ERN1: variants seen among roughly 807,000 people sequenced by gnomAD.
The protein encoded by ERN1 is endoplasmic reticulum to nucleus signaling 1.
A neutral mutation model predicts 113.1 loss-of-function variants in ERN1; 39 were observed. That is an observed-to-expected ratio of 0.34 (90% confidence interval 0.27 to 0.45). ERN1 has a LOEUF of 0.45. ERN1 is among the 20% of genes least tolerant of loss of function. The pLI, the probability that ERN1 is intolerant of heterozygous loss-of-function variation, is 1.00. For synonymous variants in ERN1, 507 were observed against 515.9 expected (o/e 0.98, Z 0.23); for missense variants, 976 against 1,274.8 (o/e 0.77, Z 3.57).
intron 1 of ERN1, among the ~76,000 whole-genome samples, chr17:64,113,956 AC>A (rs1219443579): frequency 1.3e-5 from 2 of 151,782 alleles, no homozygotes; most frequent in East Asian, 3.9e-4. Flanking sequence ...TGCTGGGATT[AC>A]CGGCGTGAAC....
At chr17:64,094,894 T>C (rs1292855989) in intron 2 of ERN1, among the ~76,000 whole-genome samples, 1 of 152,238 alleles carries the variant, frequency 6.6e-6, no homozygotes, top group Non-Finnish European at 1.5e-5. Context: ...GTTTGCCTGT[T>C]TTGTTCACTT....
Position 64,054,738 on chromosome 17 carries a change from C to A in ERN1, c.1763G>T (p.Arg588Leu). 6.2e-7 allele frequency: 1 copy of A among 1,603,638 alleles called. No individual in the cohort carries two copies. Among genetic ancestry groups the A allele is most frequent in the East Asian group, 2.2e-5 (1 of 44,666 alleles). The change falls in exon 14 of 22, where the codon CGG becomes CTG. Residue 588 changes from arginine to leucine, a missense_variant and splice_region_variant. By Grantham distance (102) the Arg-to-Leu change is moderately radical (BLOSUM62 -2). Coordinates refer to ENST00000433197, the MANE Select transcript of ERN1 (RefSeq NM_001433.5). The surrounding 1 kb of genome is among the most constrained non-coding windows in gnomAD (Gnocchi z 4.9). ...GCAGGGGGCTGGCTAATCCACTCAC[C>A]GGTACACAATTGTGCCCTCAGCTCC... ...GHGAEGTIVY[R>L]GMFDNRDVAV...
rs570255248 is a variant in ERN1 at position 64,060,524 on chromosome 17, G to C, written c.1151C>G (p.Pro384Arg). 1.2e-6 allele frequency: 2 copies of C among 1,613,904 alleles called. No homozygotes were observed. Among genetic ancestry groups the C allele is most frequent in the Middle Eastern group, 1.6e-4 (1 of 6,062 alleles). The change falls in exon 11 of 22, where the codon CCC (proline) becomes CGC (arginine). Residue 384 changes from proline to arginine, a missense_variant. By Grantham distance (103) the Pro-to-Arg change is moderately radical (BLOSUM62 -2). Around this residue, in one of 5 missense-constraint regions of ERN1, gnomAD observed 459 missense variants for 581.2 expected, o/e 0.79. Transcript: ENST00000433197. ...KMLERFPNNL[P>R]KHRENVIPAD... ...AGGAATCACATTTTCCCGATGTTTG[G>C]GTAGATTGTTGGGAAATCTCTCCAG...
chr17:64,081,769 C>T, intron 2 of ERN1, among the ~76,000 whole-genome samples: 1 of 152,170 alleles, frequency 6.6e-6, no homozygotes, highest in Non-Finnish European at 1.5e-5. Context: ...TTTACATTTG[C>T]AGCAATTAAT....
intron 1 of ERN1, among the ~76,000 whole-genome samples, chr17:64,112,795 C>A (rs1487153100): frequency 1.3e-5 from 2 of 152,196 alleles, no homozygotes; most frequent in African/African-American, 2.4e-5. Flanking sequence ...TCATCTGTAT[C>A]CTTTATCATA....
In ERN1 at chr17:64,066,936, T is replaced by A. The variant is rs1260280733; in HGVS notation, c.581-4A>T. 6.2e-7 allele frequency: 1 copy of A among 1,609,304 alleles called. No individual in the cohort carries two copies. The highest frequency in any genetic ancestry group is 2.2e-5 in the East Asian group (1 of 44,726). On this transcript the variant is annotated splice_region_variant and splice_polypyrimidine_tract_variant and intron_variant, in intron 7 of 21. Transcript: ENST00000433197. ...TTGGACACAAAGTGGGACATCTCTG[T>A]ACAGATCAAATAAACAAAGCATGCT...
chr17:64,124,710 T>C lies in ERN1; in HGVS notation c.54+5266A>G, dbSNP rs539274397. The stretch of plus-strand genomic sequence containing the variant: ...TTGCCCAGTCTCGGGTATGTCTTTA[T>C]CAGCAGCATGAAAATGGACTAATAC... On this transcript the variant is annotated intron_variant, in intron 1 of 21. Transcript: ENST00000433197. Among the ~76,000 whole-genome samples the C allele has an allele frequency of 8.5e-5, 13 of 152,330 alleles. No homozygotes were observed. In the East Asian group the frequency reaches 2.5e-3, roughly 29 times the overall value.
chr17:64,116,908 T>C (rs1327142046), intron 1 of ERN1, among the ~76,000 whole-genome samples: 1 of 142,674 alleles, frequency 7.0e-6, no homozygotes, highest in South Asian at 2.2e-4. Flanking sequence ...ATTGAGACCA[T>C]CCTGGCTAAC....
rs373985941 is a variant in ERN1 at position 64,045,310 on chromosome 17, C to T, written c.2653+49G>A. On this transcript the variant is annotated intron_variant, in intron 20 of 21. Transcript: ENST00000433197. ...TTTCCACGTTTACTTTTTGGAAAGG[C>T]GGCAGCGACTTTTGCAACCTGCCCT... is the stretch of plus-strand genomic sequence containing the variant. 2.7e-5 allele frequency: 43 copies of T among 1,610,602 alleles called. No individual in the cohort carries two copies. The African/African-American group carries it at 3.3e-4, about 13-fold the overall frequency.
chr17:64,065,647 A>G (rs1483051372), intron 8 of ERN1, among the ~76,000 whole-genome samples: 1 of 152,012 alleles, frequency 6.6e-6, no homozygotes, highest in African/African-American at 2.4e-5. Flanking sequence ...GACTCTCTAC[A>G]ACACACTTTC....
chr17:64,125,027 T>A (rs546881653), intron 1 of ERN1, among the ~76,000 whole-genome samples: 1 of 152,192 alleles, frequency 6.6e-6, no homozygotes, highest in Admixed American at 6.5e-5. Context: ...TCTGGGATGA[T>A]GAAAATGTTC....
Position 64,049,094 on chromosome 17 carries a change from C to T in ERN1, c.2362G>A (p.Gly788Ser). The change falls in exon 18 of 22, where the codon GGT (glycine) becomes AGT (serine). Residue 788 changes from glycine to serine, a missense_variant. By Grantham distance (56) the Gly-to-Ser change is moderately conservative. Transcript: ENST00000433197. The surrounding 1 kb of genome is among the most constrained non-coding windows in gnomAD (Gnocchi z 4.7). ...TGCAAGCAGTCAAGGCTGCAGGCAC[C>T]CAGGAGGATGTTGGCCTGCCGCTGC... ...SLQRQANILLGACSLDCLHPE... is the reference protein window; with the variant it reads ...SLQRQANILLSACSLDCLHPE... 6.2e-7 allele frequency: 1 copy of T among 1,606,904 alleles called. No individual in the cohort carries two copies. The highest frequency in any genetic ancestry group is 8.5e-7 in the Non-Finnish European group (1 of 1,174,482).
chr17:64,054,692 C>A lies in ERN1; in HGVS notation c.1763+46G>T, dbSNP rs760134097. 4.1e-6 allele frequency: 6 copies of A among 1,474,998 alleles called. No homozygotes were observed. The highest frequency in any genetic ancestry group is 5.6e-6 in the Non-Finnish European group (6 of 1,075,726). The allele number at this position is 1,474,998 out of a possible 1,614,324, so 91.4% of individuals were successfully genotyped here. A position where few individuals can be genotyped will look rare whatever the true frequency, so the allele number is the denominator to read the frequency against. Reference sequence around the variant, plus strand: ...CACCAGGCTCGCAACCTGACAGGCACTTAGACACCAGGCGGTGAGGGCAGG... The same window carrying A: ...CACCAGGCTCGCAACCTGACAGGCAATTAGACACCAGGCGGTGAGGGCAGG... On this transcript the variant is annotated intron_variant, in intron 14 of 21. Coordinates refer to ENST00000433197, the MANE Select transcript of ERN1 (RefSeq NM_001433.5). This position sits in a 1 kb window ranked among gnomAD's most constrained non-coding sequence, Gnocchi z 4.9.
chr17:64,085,714 A>C (rs773215722), intron 2 of ERN1, among the ~76,000 whole-genome samples: 1 of 152,098 alleles, frequency 6.6e-6, no homozygotes, highest in Non-Finnish European at 1.5e-5. Flanking sequence ...CTGTTCCTCC[A>C]CCCAGCCTTC....
intron 6 of ERN1, 137 bp downstream of exon 6, chr17:64,071,844 T>A (rs1913430070): frequency 2.2e-6 from 2 of 900,166 alleles, no homozygotes; most frequent in Non-Finnish European, 3.4e-6. Flanking sequence ...TGAAGGGTCT[T>A]ATAAAGGAAA....
intron 8 of ERN1, among the ~76,000 whole-genome samples, chr17:64,065,576 C>A (rs1913195323): frequency 6.6e-6 from 1 of 152,142 alleles, no homozygotes; most frequent in Non-Finnish European, 1.5e-5. Context: ...GCAGAAAGGA[C>A]TACGCCCAGT....
chr17:64,062,830 A>G (rs956565905), intron 10 of ERN1, among the ~76,000 whole-genome samples: 2 of 152,132 alleles, frequency 1.3e-5, no homozygotes, highest in Non-Finnish European at 2.9e-5. Context: ...TTATTTTGTC[A>G]TCTCCTTTAC....
At chr17:64,062,399 C>T (rs549269199) in intron 10 of ERN1, among the ~76,000 whole-genome samples, 1 of 152,260 alleles carries the variant, frequency 6.6e-6, no homozygotes, top group Non-Finnish European at 1.5e-5. Flanking sequence ...TATCCTTTTA[C>T]TTGTGGCCCT....
chr17:64,044,026 G>C lies in ERN1; in HGVS notation c.2896C>G (p.Pro966Ala). The change falls in exon 22 of 22, where the codon CCA (proline) becomes GCA (alanine). Residue 966 changes from proline to alanine, a missense_variant. By Grantham distance (27) the Pro-to-Ala change is conservative (BLOSUM62 -1). Around this residue, in one of 5 missense-constraint regions of ERN1, gnomAD observed 92 missense variants for 87.3 expected, o/e 1.05. Transcript: ENST00000433197. This position sits in a 1 kb window ranked among gnomAD's most constrained non-coding sequence, Gnocchi z 4.1. ...LFQPYYFHEP[P>A]EPQPPVTPDA... ...GGAGTCACTGGGGGCTGGGGCTCTG[G>C]GGGCTCGTGGAAGTAGTAGGGCTGG... 1.2e-6 allele frequency: 2 copies of C among 1,613,352 alleles called. No individual in the cohort carries two copies. The highest frequency in any genetic ancestry group is 2.2e-5 in the South Asian group (2 of 91,002).
Sources: gnomAD v4.1 joint callset for allele counts (sites outside exome capture counted in the v4.1 genomes callset) on GRCh38, gnomAD v4.1.1 for gene constraint, gnomAD v4.1.1 regional missense constraint, Gnocchi (gnomAD v3.1) non-coding constraint, MANE v1.5 for transcripts, NCBI Gene and HGNC (gene_info 2026-07-23, HGNC 2026-07-21) for gene names.